SPTLC2: variants seen among roughly 807,000 people sequenced by gnomAD.
SPTLC2 encodes serine palmitoyltransferase long chain base subunit 2.
A neutral mutation model predicts 62.0 loss-of-function variants in SPTLC2; 21 were observed. The ratio of observed to expected loss-of-function variants is 0.34; its 90% confidence interval spans 0.24 to 0.49. The LOEUF is 0.49. SPTLC2 is among the 20% of genes least tolerant of loss of function. The probability of loss-of-function intolerance (pLI) is 0.99; values close to 1 mark genes in which losing one functional copy is unlikely to be tolerated. For synonymous variants in SPTLC2, 261 were observed against 261.8 expected, an observed-to-expected ratio of 1.00 and a Z score of 0.03; for missense variants, 511 against 713.0, an observed-to-expected ratio of 0.72 and a Z score of 3.23.
At chr14:77,602,828 T>C (rs1489555548) in intron 1 of SPTLC2, among the ~76,000 whole-genome samples, 1 of 152,148 alleles carries the variant, frequency 6.6e-6, no homozygotes, top group Non-Finnish European at 1.5e-5. Context: ...CCTGCCTTGG[T>C]CTCTCAAACT....
intron 4 of SPTLC2, among the ~76,000 whole-genome samples, chr14:77,575,477 A>G (rs112758625): frequency 7.5e-4 from 114 of 152,296 alleles, no homozygotes; most frequent in African/African-American, 2.6e-3. Flanking sequence ...GGCATAAATG[A>G]TACTTTGGGA....
At chr14:77,601,072 T>C (rs1004348311) in intron 1 of SPTLC2, among the ~76,000 whole-genome samples, 1 of 152,250 alleles carries the variant, frequency 6.6e-6, no homozygotes, top group Admixed American at 6.5e-5. Context: ...TGGGACAAGA[T>C]GGCATATTTT....
intron 1 of SPTLC2, among the ~76,000 whole-genome samples, chr14:77,610,034 C>T (rs1347472902): frequency 6.6e-6 from 1 of 152,196 alleles, no homozygotes; most frequent in African/African-American, 2.4e-5. Flanking sequence ...TATAATCCCA[C>T]CAGCAATGTA....
chr14:77,514,122 G>A (rs2079347451), intron 11 of SPTLC2, among the ~76,000 whole-genome samples: 1 of 152,102 alleles, frequency 6.6e-6, no homozygotes, highest in South Asian at 2.1e-4. Flanking sequence ...GATGGAGGCT[G>A]CAGTGAGCCA....
chr14:77,515,147 G>A lies in SPTLC2; in HGVS notation c.1570-2744C>T, dbSNP rs117803684. Among the ~76,000 whole-genome samples, 69 of 152,218 alleles carry A rather than the reference G, an allele frequency of 4.5e-4. No individual in the cohort carries two copies. The East Asian group carries it at 0.013, about 28-fold the overall frequency. Reference sequence around the variant, plus strand: ...TACGTCTATCCTTATGCTAGTACTCGACTGTTGTAATTACTGTAGCTTTGT... The same window carrying A: ...TACGTCTATCCTTATGCTAGTACTCAACTGTTGTAATTACTGTAGCTTTGT... On this transcript the variant is annotated intron_variant, in intron 11 of 11. Coordinates refer to ENST00000216484, the MANE Select transcript of SPTLC2 (RefSeq NM_004863.4).
At position 77,615,014 on chromosome 14, in the gene SPTLC2, A is replaced by G. The variant is rs1170497167; in HGVS notation, c.132+1434T>C. The stretch of plus-strand genomic sequence containing the variant: ...AAAACAAAAAAAAAATCATACCTCA[A>G]TGAAATTCACCTGCAAATGTATTTT... On this transcript the variant is annotated intron_variant, in intron 1 of 11. Coordinates refer to ENST00000216484, the MANE Select transcript of SPTLC2 (RefSeq NM_004863.4). 2.6e-5 allele frequency among the ~76,000 whole-genome samples: 4 copies of G among 152,224 alleles called. No individual in the cohort carries two copies. The East Asian group carries it at 5.8e-4, about 22-fold the overall frequency.
At position 77,517,994 on chromosome 14, in the gene SPTLC2, T is replaced by C. The variant is rs766752265; in HGVS notation, c.1569+44A>G. The C allele has an allele frequency of 3.1e-6, 5 of 1,613,630 alleles. No individual in the cohort carries two copies. The East Asian group carries it at 8.9e-5, about 29-fold the overall frequency. On this transcript the variant is annotated intron_variant, in intron 11 of 11. Coordinates refer to ENST00000216484, the MANE Select transcript of SPTLC2 (RefSeq NM_004863.4). ...AATTTCATCTAATATACAGGCCCTT[T>C]TAATAAAAGGCATATTTATATCAAG... is the stretch of plus-strand genomic sequence containing the variant.
intron 5 of SPTLC2, 118 bp downstream of exon 5, chr14:77,570,266 C>G: frequency 1.9e-6 from 2 of 1,048,030 alleles, no homozygotes; most frequent in Non-Finnish European, 1.4e-6. Flanking sequence ...GTAGAAATAT[C>G]TTTGGCTAAA....
intron 2 of SPTLC2, 80 bp from the exon 3 acceptor site, chr14:77,579,189 T>C: frequency 1.4e-6 from 2 of 1,471,846 alleles, no homozygotes; most frequent in South Asian, 1.2e-5. Flanking sequence ...CATGATCTTT[T>C]ATTTATGTAA....
chr14:77,570,311 C>T lies in SPTLC2; in HGVS notation c.756+73G>A, dbSNP rs77140106. 1.0e-3 allele frequency: 1,571 copies of T among 1,577,472 alleles called. 15 individuals are homozygous for T. The African/African-American group carries it at 0.019, about 19-fold the overall frequency. ...GCCTAAAGTTTATAACAGCTTTTAGCTCACTCTGACTGCTTTTCAAAACAA... is the reference window on the plus strand; with the variant it reads ...GCCTAAAGTTTATAACAGCTTTTAGTTCACTCTGACTGCTTTTCAAAACAA... On this transcript the variant is annotated intron_variant, in intron 5 of 11. Coordinates refer to ENST00000216484, the MANE Select transcript of SPTLC2 (RefSeq NM_004863.4).
At chr14:77,517,960 T>C (rs1277939520) in intron 11 of SPTLC2, 78 bp downstream of exon 11, 6 of 1,602,970 alleles carry the variant, frequency 3.7e-6, no homozygotes, top group Non-Finnish European at 4.3e-6. Flanking sequence ...TCAAGATCAA[T>C]ATATTATGAA....
intron 9 of SPTLC2, among the ~76,000 whole-genome samples, chr14:77,548,123 C>T (rs867283483): frequency 2.6e-5 from 4 of 152,020 alleles, no homozygotes; most frequent in Non-Finnish European, 4.4e-5. Flanking sequence ...CTCTATAAAG[C>T]GTTCTGACAT....
intron 5 of SPTLC2, among the ~76,000 whole-genome samples, chr14:77,566,086 A>C (rs1323421107): frequency 6.6e-6 from 1 of 151,990 alleles, no homozygotes; most frequent in African/African-American, 2.4e-5. Flanking sequence ...TCCGCACAAA[A>C]TTTTATTTTC....
chr14:77,562,498 T>A lies in SPTLC2; in HGVS notation c.757-9A>T. 2 of 1,612,168 alleles carry A rather than the reference T, an allele frequency of 1.2e-6. No individual in the cohort carries two copies. The highest frequency in any genetic ancestry group is 1.7e-6 in the Non-Finnish European group (2 of 1,178,436). The stretch of plus-strand genomic sequence containing the variant: ...CTCAGAATCAGGCAACCCTGCAACA[T>A]CACAGGAACAGAAAGGTAAGAAGCT... On this transcript the variant is annotated splice_polypyrimidine_tract_variant and intron_variant, in intron 5 of 11. Coordinates refer to ENST00000216484, the MANE Select transcript of SPTLC2 (RefSeq NM_004863.4).
Position 77,521,579 on chromosome 14 carries a change from T to C in SPTLC2, c.1306A>G (p.Lys436Glu), listed in dbSNP as rs770172257. Reference protein sequence around the residue: ...IMGQDGTSLGKECVQQLAENT... With the variant: ...IMGQDGTSLGEECVQQLAENT... The stretch of plus-strand genomic sequence containing the variant: ...TCAGCTAACTGTTGTACACACTCTT[T>C]ACCTGGAAAGTCACGGTGAGAGAAA... Residue 436 changes from lysine to glutamate, a missense_variant and splice_region_variant, in exon 10 of 12, where the codon AAA becomes GAA. By Grantham distance (56) the Lys-to-Glu change is moderately conservative. Coordinates refer to ENST00000216484, the MANE Select transcript of SPTLC2 (RefSeq NM_004863.4). 7.4e-6 allele frequency: 12 copies of C among 1,613,918 alleles called. No individual in the cohort carries two copies. Among genetic ancestry groups the C allele is most frequent in the Non-Finnish European group, 6.8e-6 (8 of 1,179,918 alleles).
intron 8 of SPTLC2, among the ~76,000 whole-genome samples, chr14:77,554,030 C>G (rs1378573085): frequency 2.0e-5 from 3 of 152,238 alleles, no homozygotes; most frequent in Non-Finnish European, 2.9e-5. Flanking sequence ...TGTTGCCCAG[C>G]TGGTATTGAA....
At chr14:77,587,682 G>A (rs1380200438) in intron 2 of SPTLC2, among the ~76,000 whole-genome samples, 1 of 151,546 alleles carries the variant, frequency 6.6e-6, no homozygotes, top group East Asian at 1.9e-4. Flanking sequence ...TCTTGAACCT[G>A]GGAGGTGGAG....
chr14:77,601,056 G>A (rs1327458764), intron 1 of SPTLC2, among the ~76,000 whole-genome samples: 1 of 152,230 alleles, frequency 6.6e-6, no homozygotes, highest in East Asian at 1.9e-4. Flanking sequence ...GTGGTAAGGA[G>A]TAGGGTGGGA....
Position 77,562,570 on chromosome 14 carries a change from T to C in SPTLC2, c.757-81A>G, listed in dbSNP as rs1297922184. On this transcript the variant is annotated intron_variant, in intron 5 of 11. Transcript: ENST00000216484. ...ACAAATCACAAAATGCCACAAACAC[T>C]AATAGCTGTATCTTATTAAGGAAAT... 8.6e-6 allele frequency: 9 copies of C among 1,042,300 alleles called. No homozygotes were observed. The Admixed American group carries it at 1.3e-4, about 15-fold the overall frequency. 64.6% of individuals were successfully genotyped at this position (1,042,300 alleles called of 1,614,324 possible). A position where few individuals can be genotyped will look rare whatever the true frequency, so the allele number is the denominator to read the frequency against.
Sources: allele counts gnomAD v4.1 joint callset (sites outside exome capture counted in the v4.1 genomes callset), GRCh38; gene constraint gnomAD v4.1.1; transcripts MANE v1.5; gene names NCBI Gene and HGNC (gene_info 2026-07-23, HGNC 2026-07-21).